FSTL5: variants seen among roughly 807,000 people sequenced by gnomAD.
FSTL5 encodes follistatin like 5, also known as follistatin-related protein 5.
A neutral mutation model predicts 89.1 loss-of-function variants in FSTL5; 62 were observed. The ratio of observed to expected loss-of-function variants is 0.70; its 90% CI spans 0.57 to 0.86. The LOEUF (loss-of-function observed/expected upper bound fraction) is 0.86. FSTL5 is among the 40% of genes least tolerant of loss of function. The probability of loss-of-function intolerance (pLI) is 0.00; values close to 1 mark genes in which losing one functional copy is unlikely to be tolerated. For synonymous variants in FSTL5, 383 were observed against 346.2 expected (o/e 1.11, Z -1.18); for missense variants, 1,057 against 1,001.6 (o/e 1.06, Z -0.75).
At chr4:161,870,383 G>A (rs1173668078) in intron 4 of FSTL5, among the ~76,000 whole-genome samples, 2 of 141,010 alleles carry the variant, frequency 1.4e-5, no homozygotes, top group East Asian at 2.7e-4. Flanking sequence ...AAGAGAGAGC[G>A]AGAGGAGAGA....
intron 7 of FSTL5, among the ~76,000 whole-genome samples, chr4:161,615,821 A>G (rs1288965298): frequency 6.6e-6 from 1 of 152,132 alleles, no homozygotes; most frequent in Non-Finnish European, 1.5e-5. Context: ...TTATATTTAC[A>G]CTATTATTAT....
intron 2 of FSTL5, among the ~76,000 whole-genome samples, chr4:162,107,424 C>T (rs995147254): frequency 6.6e-6 from 1 of 152,142 alleles, no homozygotes; most frequent in Non-Finnish European, 1.5e-5. Context: ...CATGGCTGTT[C>T]TGAGTACACT....
chr4:161,635,114 C>T (rs918271483), intron 7 of FSTL5, among the ~76,000 whole-genome samples: 4 of 152,064 alleles, frequency 2.6e-5, no homozygotes, highest in Non-Finnish European at 5.9e-5. Context: ...ACTGGCTGGG[C>T]GCAGTGGCTC....
chr4:161,976,569 C>T (rs545386714), intron 3 of FSTL5, among the ~76,000 whole-genome samples: 2 of 152,138 alleles, frequency 1.3e-5, no homozygotes, highest in African/African-American at 4.8e-5. Context: ...GCAAGCTCCG[C>T]CTTCCGTGTT....
At chr4:161,779,271 T>C (rs1239533883) in intron 4 of FSTL5, among the ~76,000 whole-genome samples, 2 of 152,164 alleles carry the variant, frequency 1.3e-5, no homozygotes, top group South Asian at 4.1e-4. Flanking sequence ...CCAAATAAAA[T>C]AACCAAAAAA....
intron 2 of FSTL5, among the ~76,000 whole-genome samples, chr4:162,076,362 T>C (rs186649555): frequency 2.0e-5 from 3 of 152,016 alleles, no homozygotes; most frequent in East Asian, 1.9e-4. Flanking sequence ...TAACGCACAG[T>C]TGTGGAAGAT....
intron 7 of FSTL5, among the ~76,000 whole-genome samples, chr4:161,598,120 C>A (rs1734094482): frequency 6.6e-6 from 1 of 151,956 alleles, no homozygotes; most frequent in African/African-American, 2.4e-5. Flanking sequence ...GGCTGTAATC[C>A]CAGCAGTTTG....
chr4:161,728,970 G>C (rs1739512263), intron 6 of FSTL5, among the ~76,000 whole-genome samples: 1 of 152,058 alleles, frequency 6.6e-6, no homozygotes, highest in East Asian at 1.9e-4. Context: ...ACTAATCTGA[G>C]AATGGCCTCA....
intron 10 of FSTL5, among the ~76,000 whole-genome samples, chr4:161,536,465 C>T (rs1441789192): frequency 9.9e-5 from 15 of 152,082 alleles, no homozygotes; most frequent in Admixed American, 9.8e-4. Flanking sequence ...TGGCATTTAA[C>T]TATTAGGAGG....
chr4:161,621,323 AAAG>A (rs1354214534), intron 7 of FSTL5, among the ~76,000 whole-genome samples: 1 of 151,810 alleles, frequency 6.6e-6, no homozygotes, highest in East Asian at 1.9e-4. Flanking sequence ...AAATTTGGCC[AAAG>A]AAGAAATCAA....
chr4:161,778,902 G>T (rs1056535233), intron 4 of FSTL5, among the ~76,000 whole-genome samples: 1 of 152,162 alleles, frequency 6.6e-6, no homozygotes, highest in African/African-American at 2.4e-5. Context: ...ATTCTGAAAA[G>T]GATTATACAC....
In FSTL5 at chr4:161,438,884, A is replaced by T. The variant is rs575867811; in HGVS notation, c.1841+16120T>A. Among the ~76,000 whole-genome samples, 14 of 152,138 alleles carry T rather than the reference A, an allele frequency of 9.2e-5. No individual in the cohort carries two copies. In the South Asian group the frequency reaches 2.7e-3, roughly 29 times the overall value. ...GTTATTATTTTCCATTATAGTAAAA[A>T]TGTAAGTATAGGTTATATCCCTTCT... On this transcript the variant is annotated intron_variant, in intron 15 of 15. Transcript: ENST00000306100.
chr4:161,834,130 A>G lies in FSTL5; in HGVS notation c.410-58056T>C, dbSNP rs535432981. 5.3e-5 allele frequency among the ~76,000 whole-genome samples: 8 copies of G among 152,318 alleles called. No homozygotes were observed. In the South Asian group the frequency reaches 1.7e-3, roughly 32 times the overall value. On this transcript the variant is annotated intron_variant, in intron 4 of 15. Coordinates refer to ENST00000306100, the MANE Select transcript of FSTL5 (RefSeq NM_020116.5). ...TGATCAAGTGGGCTTCATCCCTGGG[A>G]TGCAAGGCTGGTTCAATATATGCAA... is the stretch of plus-strand genomic sequence containing the variant.
intron 6 of FSTL5, among the ~76,000 whole-genome samples, chr4:161,742,137 A>C: frequency 6.6e-6 from 1 of 152,334 alleles, no homozygotes; most frequent in Middle Eastern, 3.4e-3. Context: ...CAATGCAAAT[A>C]AAACAACGGA....
intron 15 of FSTL5, among the ~76,000 whole-genome samples, chr4:161,449,889 CTT>C (rs1026702112): frequency 6.6e-6 from 1 of 152,128 alleles, no homozygotes. Context: ...CTGTTATTCT[CTT>C]GCCAACACAT....
At position 161,611,620 on chromosome 4, in the gene FSTL5, T is replaced by C. The variant is rs763872329; in HGVS notation, c.895-24045A>G. On this transcript the variant is annotated intron_variant, in intron 7 of 15. Transcript: ENST00000306100. ...TGAACCAACTAACCAATGAGTTGCC[T>C]CCATCAGGAAGCATATTCCAGGGAG... 2.0e-5 allele frequency among the ~76,000 whole-genome samples: 3 copies of C among 152,112 alleles called. No homozygotes were observed. The East Asian group carries it at 5.8e-4, about 29-fold the overall frequency.
chr4:161,727,836 C>T (rs1481438632), intron 6 of FSTL5, among the ~76,000 whole-genome samples: 2 of 152,074 alleles, frequency 1.3e-5, no homozygotes, highest in Non-Finnish European at 2.9e-5. Flanking sequence ...CTTAGTTTTG[C>T]ACTAACTGGA....
At chr4:161,472,134 G>A (rs1301905727) in intron 13 of FSTL5, among the ~76,000 whole-genome samples, 17 of 152,000 alleles carry the variant, frequency 1.1e-4, no homozygotes, top group South Asian at 1.0e-3. Context: ...TGGCCACCAC[G>A]CCCGGCTAAT....
At chr4:161,622,657 A>T (rs561310254) in intron 7 of FSTL5, among the ~76,000 whole-genome samples, 148 of 152,226 alleles carry the variant, frequency 9.7e-4, no homozygotes, top group Non-Finnish European at 2.0e-3. Flanking sequence ...TAAGAGAATG[A>T]TTTAATTACA....
Sources: allele counts gnomAD v4.1 joint callset (sites outside exome capture counted in the v4.1 genomes callset), GRCh38; gene constraint gnomAD v4.1.1; transcripts MANE v1.5; gene names NCBI Gene and HGNC (gene_info 2026-07-23, HGNC 2026-07-21).